ZFHX3: variants seen among roughly 807,000 people sequenced by gnomAD.
The protein encoded by ZFHX3 is zinc finger homeobox 3, also known as zinc finger homeobox protein 3.
Under a neutral mutation model 279.1 loss-of-function variants are expected in ZFHX3, and 42 were observed. That is an observed-to-expected ratio of 0.15 (90% confidence interval 0.12 to 0.19). ZFHX3 has a LOEUF of 0.19. Ranked by LOEUF, ZFHX3 falls within the 10% of genes least tolerant of loss-of-function variation. The pLI is 1.00. For synonymous variants in ZFHX3, 2,293 were observed against 1,957.8 expected (o/e 1.17, Z -4.52); for missense variants, 4,981 against 4,754.0 (o/e 1.05, Z -1.40).
intron 1 of ZFHX3, among the ~76,000 whole-genome samples, chr16:73,682,874 GAAAGAA>G (rs764581510): frequency 6.6e-4 from 20 of 30,384 alleles, no homozygotes; most frequent in African/African-American, 1.4e-3. Flanking sequence ...AAGAAAGAAA[GAAAGAA>G]AGAAAGAAAG....
rs887230610 is a variant in ZFHX3, at chr16:73,065,452, G to A, written c.-532-6440C>T. ...TGCCGTGTACATATTCTGAATAAAC[G>A]TGAGGGTTTTTTTTTTTCTTGAGGA... On this transcript the variant is annotated intron_variant, in intron 8 of 17. Coordinates refer to the ZFHX3 transcript ENST00000641206. 2.6e-5 allele frequency among the ~76,000 whole-genome samples: 4 copies of A among 151,882 alleles called. 1 individual carries two copies. The highest frequency in any genetic ancestry group is 6.6e-5 in the Admixed American group (1 of 15,254).
At chr16:72,974,855 C>G (rs1233355592) in intron 1 of ZFHX3, among the ~76,000 whole-genome samples, 1 of 152,158 alleles carries the variant, frequency 6.6e-6, no homozygotes, top group Non-Finnish European at 1.5e-5. Flanking sequence ...AAGCTTCCAC[C>G]CAACTTCCTA....
intron 4 of ZFHX3, among the ~76,000 whole-genome samples, chr16:73,290,984 G>C (rs1012891435): frequency 2.0e-5 from 3 of 152,214 alleles, no homozygotes; most frequent in African/African-American, 7.2e-5. Flanking sequence ...CAGGGCTGGT[G>C]ATATCTGCAG....
chr16:73,667,394 G>A (rs1003932517), intron 2 of ZFHX3, among the ~76,000 whole-genome samples: 1 of 152,210 alleles, frequency 6.6e-6, no homozygotes, highest in Non-Finnish European at 1.5e-5. Context: ...ATACGCTTTT[G>A]TGTGAACATA....
At chr16:72,791,022 T>G (rs977113669) in intron 9 of ZFHX3, 1 of 152,178 alleles carries the variant, frequency 6.6e-6, no homozygotes, top group Non-Finnish European at 1.5e-5. Context: ...CACAACTCTG[T>G]GACATCCTTT....
At chr16:73,162,205 TTCCCC>T (rs1262720074) in intron 5 of ZFHX3, among the ~76,000 whole-genome samples, 1 of 152,160 alleles carries the variant, frequency 6.6e-6, no homozygotes, top group Non-Finnish European at 1.5e-5. Context: ...TTTACAGCTG[TTCCCC>T]ATCGCTTTCA....
chr16:73,130,473 A>C (rs970773220), intron 7 of ZFHX3, among the ~76,000 whole-genome samples: 10 of 152,274 alleles, frequency 6.6e-5, no homozygotes, highest in Non-Finnish European at 1.3e-4. Flanking sequence ...GCACTGAGGC[A>C]GTAGGCAACT....
chr16:73,771,073 T>C (rs2054012430), intron 1 of ZFHX3, among the ~76,000 whole-genome samples: 1 of 152,130 alleles, frequency 6.6e-6, no homozygotes, highest in African/African-American at 2.4e-5. Context: ...CAAGATGAGC[T>C]CTAAAGCTCC....
At chr16:73,868,513 G>A (rs567883279) in intron 1 of ZFHX3, among the ~76,000 whole-genome samples, 12 of 152,338 alleles carry the variant, frequency 7.9e-5, no homozygotes, top group Admixed American at 2.0e-4. Context: ...AACAGAGCAG[G>A]ATTCCATCTC....
intron 2 of ZFHX3, among the ~76,000 whole-genome samples, chr16:73,472,793 T>C (rs935649852): frequency 1.3e-5 from 2 of 152,088 alleles, no homozygotes; most frequent in Admixed American, 6.5e-5. Context: ...TTCCCTGTGG[T>C]CACAGCTCCT....
rs561909271 is a variant in ZFHX3 at position 73,397,578 on chromosome 16, A to C, written c.-1291+58425T>G. On this transcript the variant is annotated intron_variant, in intron 3 of 17. Transcript: ENST00000641206. ...ACAGACTGCAAGGATCAAGAATAGAAATGAGAAAAGCGAAGACAGAATGGC... is the reference window on the plus strand; with the variant it reads ...ACAGACTGCAAGGATCAAGAATAGACATGAGAAAAGCGAAGACAGAATGGC... Among the ~76,000 whole-genome samples, 6 of 152,280 alleles carry C rather than the reference A, an allele frequency of 3.9e-5. No homozygotes were observed. In the East Asian group the frequency reaches 1.2e-3, roughly 29 times the overall value.
intron 3 of ZFHX3, among the ~76,000 whole-genome samples, chr16:72,932,987 G>A (rs912498227): frequency 3.9e-5 from 6 of 152,312 alleles, no homozygotes; most frequent in African/African-American, 7.2e-5. Context: ...CCTGACACCA[G>A]GCATCTTCTC....
chr16:72,980,784 T>A (rs1206568661), intron 1 of ZFHX3, among the ~76,000 whole-genome samples: 1 of 152,076 alleles, frequency 6.6e-6, no homozygotes. Context: ...GGGAATAATA[T>A]TATGTTTACA....
At chr16:73,475,401 C>T (rs1028929048) in intron 2 of ZFHX3, among the ~76,000 whole-genome samples, 23 of 152,060 alleles carry the variant, frequency 1.5e-4, no homozygotes, top group Non-Finnish European at 2.9e-4. Flanking sequence ...CTAAACAATA[C>T]CGTTAGCAGA....
At chr16:73,254,041 C>A in intron 5 of ZFHX3, among the ~76,000 whole-genome samples, 1 of 152,146 alleles carries the variant, frequency 6.6e-6, no homozygotes, top group East Asian at 1.9e-4. Context: ...TGGATCCATC[C>A]AGCATTCATT....
chr16:73,509,552 TTTCACTCTGTCACCGAGGCTGGAG>T (rs1319851156), intron 2 of ZFHX3, among the ~76,000 whole-genome samples: 1 of 139,888 alleles, frequency 7.1e-6, no homozygotes, highest in East Asian at 2.2e-4. Flanking sequence ...TTTGAGACAA[TTTCACTCTGTCACCGAGGCTGGAG>T]TGCAGTGGCA....
At chr16:73,692,369 G>A (rs1597068995) in intron 1 of ZFHX3, among the ~76,000 whole-genome samples, 2 of 152,248 alleles carry the variant, frequency 1.3e-5, no homozygotes, top group East Asian at 1.9e-4. Context: ...GCCAGGAGGT[G>A]TTTAACACCC....
intron 2 of ZFHX3, among the ~76,000 whole-genome samples, chr16:73,576,377 G>T (rs1433263875): frequency 6.6e-6 from 1 of 152,160 alleles, no homozygotes; most frequent in Non-Finnish European, 1.5e-5. Flanking sequence ...TGGAACAGTG[G>T]TCAAATATTT....
chr16:73,083,823 C>G (rs956565484), intron 8 of ZFHX3, among the ~76,000 whole-genome samples: 1 of 152,182 alleles, frequency 6.6e-6, no homozygotes, highest in African/African-American at 2.4e-5. Context: ...GCCACCATGC[C>G]CGGCCTTTCC....
Sources: gnomAD v4.1 joint callset for allele counts (sites outside exome capture counted in the v4.1 genomes callset) on GRCh38, gnomAD v4.1.1 for gene constraint, MANE v1.5 for transcripts, NCBI Gene and HGNC (gene_info 2026-07-23, HGNC 2026-07-21) for gene names.